The following RBFOX3 variants were observed in gnomAD, a reference collection of about 807,000 sequenced individuals.
RBFOX3 encodes RNA binding protein fox-1 homolog 3.
Under a neutral mutation model 48.7 loss-of-function variants are expected in RBFOX3, and 17 were observed. The observed-to-expected ratio is 0.35, with a 90% CI of 0.24 to 0.52. The LOEUF (loss-of-function observed/expected upper bound fraction) is 0.52, where lower values mean the gene tolerates loss of function less well. Ranked by LOEUF, RBFOX3 falls within the 20% of genes least tolerant of loss-of-function variation. The probability of loss-of-function intolerance (pLI) is 0.94; values close to 1 mark genes in which losing one functional copy is unlikely to be tolerated. For synonymous variants in RBFOX3, 212 were observed against 209.5 expected, an observed-to-expected ratio of 1.01 and a Z score of -0.10; for missense variants, 382 against 497.5, an observed-to-expected ratio of 0.77 and a Z score of 2.21.
chr17:79,624,813 GCCCCCCA>G, the RBFOX3 span, among the ~76,000 whole-genome samples: 5 of 65,014 alleles, frequency 7.7e-5, no homozygotes, highest in East Asian at 5.6e-4. Flanking sequence ...AGGCACCCCC[GCCCCCCA>G]CCCCCCGCCC....
At chr17:79,224,226 G>A (rs1358416420) in intron 4 of RBFOX3, among the ~76,000 whole-genome samples, 1 of 152,102 alleles carries the variant, frequency 6.6e-6, no homozygotes, top group East Asian at 1.9e-4. Context: ...AAGGACCAAG[G>A]ACAGGGAATC....
chr17:79,315,126 T>C (rs947978191), intron 2 of RBFOX3, among the ~76,000 whole-genome samples: 7 of 152,224 alleles, frequency 4.6e-5, no homozygotes, highest in African/African-American at 1.4e-4. Context: ...GTGTTTTCTA[T>C]GATTAGTGGC....
chr17:79,623,012 C>A, the RBFOX3 span, among the ~76,000 whole-genome samples: 7,503 of 152,164 alleles, frequency 0.049, 617 homozygotes, highest in African/African-American at 0.17. Flanking sequence ...TGCCTCAGCC[C>A]AGACCCTCAG....
At chr17:79,143,563 G>A (rs2042372111) in intron 4 of RBFOX3, among the ~76,000 whole-genome samples, 1 of 152,186 alleles carries the variant, frequency 6.6e-6, no homozygotes, top group African/African-American at 2.4e-5. Flanking sequence ...ATGAGGCTGG[G>A]CCTTGGCCAC....
At chr17:79,584,956 G>A (rs1450634066) in intron 1 of RBFOX3, among the ~76,000 whole-genome samples, 4 of 151,828 alleles carry the variant, frequency 2.6e-5, no homozygotes, top group East Asian at 2.0e-4. Flanking sequence ...TAGTAGAGAC[G>A]GGATTTCACC....
intron 1 of RBFOX3, among the ~76,000 whole-genome samples, chr17:79,492,374 T>A (rs1228086884): frequency 6.6e-6 from 1 of 152,212 alleles, no homozygotes. Context: ...AAGTGAAGGT[T>A]CATCAATTCT....
At chr17:79,665,486 T>C in the RBFOX3 span, among the ~76,000 whole-genome samples, 1 of 150,938 alleles carries the variant, frequency 6.6e-6, no homozygotes, top group Non-Finnish European at 1.5e-5. Flanking sequence ...TGCCAGTGAC[T>C]TGGGCAAGAC....
chr17:79,183,910 T>TC (rs974688237), intron 4 of RBFOX3, among the ~76,000 whole-genome samples: 3 of 151,074 alleles, frequency 2.0e-5, no homozygotes, highest in East Asian at 1.9e-4. Context: ...GCGCCCCTCC[T>TC]CCCCCCCGTT....
rs2075018243 is a variant in RBFOX3 at position 79,299,784 on chromosome 17, T to A, written c.-74+7940A>T. Among the ~76,000 whole-genome samples, 1 of 152,052 alleles carries A rather than the reference T, an allele frequency of 6.6e-6. No homozygotes were observed. ...AGACGCAAACAGAGGGATGGCCACA[T>A]AAGGACATGGAGAAGACGGCGTCTA... On this transcript the variant is annotated intron_variant, in intron 3 of 14. Coordinates refer to ENST00000693108, the MANE Select transcript of RBFOX3 (RefSeq NM_001350451.2). The surrounding 1 kb of genome is among the most constrained non-coding windows in gnomAD (Gnocchi z 4.5).
chr17:79,392,719 G>A lies in RBFOX3; in HGVS notation c.-174-84895C>T, dbSNP rs1324018982. Among the ~76,000 whole-genome samples, 1 of 152,106 alleles carries A rather than the reference G, an allele frequency of 6.6e-6. No individual in the cohort carries two copies. The highest frequency in any genetic ancestry group is 1.9e-4 in the East Asian group (1 of 5,194). ...CTCTATGAGCTTGGGTCCTGAGTGA[G>A]GGCAACAGCACAGCACAACACCCTC... On this transcript the variant is annotated intron_variant, in intron 2 of 14. Coordinates refer to ENST00000693108, the MANE Select transcript of RBFOX3 (RefSeq NM_001350451.2). The surrounding 1 kb of genome is among the most constrained non-coding windows in gnomAD (Gnocchi z 5.0).
chr17:79,433,642 C>A (rs2068865325), intron 2 of RBFOX3, among the ~76,000 whole-genome samples: 1 of 152,206 alleles, frequency 6.6e-6, no homozygotes, highest in Non-Finnish European at 1.5e-5. Context: ...CTGAGCCACG[C>A]CCAGCTGGCT....
intron 3 of RBFOX3, among the ~76,000 whole-genome samples, chr17:79,305,223 G>T (rs538468252): frequency 6.6e-6 from 1 of 152,164 alleles, no homozygotes; most frequent in Non-Finnish European, 1.5e-5. Context: ...GCCTGTGTGG[G>T]GGGGAAAGGG....
intron 4 of RBFOX3, among the ~76,000 whole-genome samples, chr17:79,177,860 C>T (rs1469753838): frequency 6.6e-6 from 1 of 152,204 alleles, no homozygotes; most frequent in African/African-American, 2.4e-5. Context: ...TTAGCTGCTC[C>T]CCATTGCCTG....
intron 3 of RBFOX3, among the ~76,000 whole-genome samples, chr17:79,250,811 CTT>C (rs2063827307): frequency 6.8e-6 from 1 of 146,530 alleles, no homozygotes; most frequent in African/African-American, 2.5e-5. Flanking sequence ...CCCTCCCTCC[CTT>C]TCTCTCTCTC....
In RBFOX3 at chr17:79,551,529, G is replaced by C. The variant is rs988453223; in HGVS notation, c.-320+59297C>G. On this transcript the variant is annotated intron_variant, in intron 1 of 14. Transcript: ENST00000693108. ...CGGGTAGGTGGATGGGTGGATGGATGGACGGGTGGGTGGGTGGATGGATGG... is the reference window on the plus strand; with the variant it reads ...CGGGTAGGTGGATGGGTGGATGGATCGACGGGTGGGTGGGTGGATGGATGG... 7.8e-5 allele frequency among the ~76,000 whole-genome samples: 9 copies of C among 115,594 alleles called. 1 individual carries two copies. In the Admixed American group the frequency reaches 8.2e-4, roughly 11 times the overall value. The allele number at this position is 115,594 out of a possible 152,430, so 75.8% of individuals were successfully genotyped here.
In RBFOX3 at chr17:79,166,323, G is replaced by A. The variant is rs559717693; in HGVS notation, c.-33-50575C>T. ...ATGCTCAGGAAAGGAGGCCCGGGCA[G>A]TTGTGGGGAGCCCGCCAGGAGCTGT... On this transcript the variant is annotated intron_variant, in intron 4 of 14. Transcript: ENST00000693108. Among the ~76,000 whole-genome samples the A allele has an allele frequency of 2.6e-5, 4 of 152,340 alleles. No homozygotes were observed. In the East Asian group the frequency reaches 7.7e-4, roughly 29 times the overall value.
In RBFOX3 at chr17:79,390,222, C is replaced by T. The variant is rs559855640; in HGVS notation, c.-174-82398G>A. Among the ~76,000 whole-genome samples, 1 of 152,202 alleles carries T rather than the reference C, an allele frequency of 6.6e-6. No homozygotes were observed. Among genetic ancestry groups the T allele is most frequent in the Non-Finnish European group, 1.5e-5 (1 of 68,038 alleles). On this transcript the variant is annotated intron_variant, in intron 2 of 14. Coordinates refer to ENST00000693108, the MANE Select transcript of RBFOX3 (RefSeq NM_001350451.2). The surrounding 1 kb of genome is among the most constrained non-coding windows in gnomAD (Gnocchi z 4.2). Reference sequence around the variant, plus strand: ...GGACGCTGCACTGACTTTCAAGTGCCCAGAGGTCCTCCTAGAATAACACAT... The same window carrying T: ...GGACGCTGCACTGACTTTCAAGTGCTCAGAGGTCCTCCTAGAATAACACAT...
chr17:79,629,087 C>T, the RBFOX3 span, among the ~76,000 whole-genome samples: 6 of 152,330 alleles, frequency 3.9e-5, no homozygotes, highest in Admixed American at 2.0e-4. Flanking sequence ...CCCACAGGCA[C>T]GAGCAAGATG....
Position 79,443,794 on chromosome 17 carries a change from C to A in RBFOX3, c.-175+38660G>T, listed in dbSNP as rs2071663515. Among the ~76,000 whole-genome samples, 1 of 152,168 alleles carries A rather than the reference C, an allele frequency of 6.6e-6. No homozygotes were observed. The highest frequency in any genetic ancestry group is 1.5e-5 in the Non-Finnish European group (1 of 68,028). On this transcript the variant is annotated intron_variant, in intron 2 of 14. Transcript: ENST00000693108. This position sits in a 1 kb window ranked among gnomAD's most constrained non-coding sequence, Gnocchi z 4.4. Reference sequence around the variant, plus strand: ...CACTGTCCCACTGCCTCCCTCGGCCCCCGACCCTTTATTTGCTGAGCCCCA... The same window carrying A: ...CACTGTCCCACTGCCTCCCTCGGCCACCGACCCTTTATTTGCTGAGCCCCA...
Sources: allele counts gnomAD v4.1 joint callset (sites outside exome capture counted in the v4.1 genomes callset), GRCh38; gene constraint gnomAD v4.1.1; non-coding constraint Gnocchi (gnomAD v3.1); transcripts MANE v1.5; gene names NCBI Gene and HGNC (gene_info 2026-07-23, HGNC 2026-07-21).